The following CD244 variants were observed in gnomAD, a reference collection of about 807,000 sequenced individuals.
CD244 encodes the protein CD244 molecule, also known as natural killer cell receptor 2B4.
A neutral mutation model predicts 45.5 loss-of-function variants in CD244; 20 were observed. The observed-to-expected ratio is 0.44, with a 90% CI of 0.31 to 0.64. CD244 has a LOEUF of 0.64. Among genes scored for constraint, CD244 ranks in the 30% least tolerant of loss-of-function variants. CD244 has a pLI of 0.08. For missense variants in CD244, 407 were observed against 426.9 expected (o/e 0.95, Z 0.41); for synonymous variants, 185 against 160.5 (o/e 1.15, Z -1.15).
intron 4 of CD244, 196 bp from the exon 5 acceptor site, chr1:160,838,714 A>C (rs1455253314): frequency 3.2e-6 from 2 of 618,108 alleles, no homozygotes; most frequent in East Asian, 5.5e-5. Flanking sequence ...CCTCCTCCCA[A>C]ACCAGCTGTC....
intron 4 of CD244, 124 bp from the exon 5 acceptor site, chr1:160,838,642 T>A: frequency 1.3e-6 from 1 of 741,462 alleles, no homozygotes; most frequent in South Asian, 1.5e-5. Flanking sequence ...AGGAGGCAAG[T>A]TAATGCTCTT....
chr1:160,862,740 G>T lies in CD244; in HGVS notation c.-63C>A. On this transcript the variant is annotated 5_prime_UTR_variant, in exon 1 of 9. Coordinates refer to ENST00000368034, the MANE Select transcript of CD244 (RefSeq NM_016382.4). ...CCACCAGACTCTCTGCCGTGCACGG[G>T]CTCAGCAGTCCCCAGTCAGCAAGAG... The T allele has an allele frequency of 6.8e-7, 1 of 1,475,164 alleles. No homozygotes were observed. Among genetic ancestry groups the T allele is most frequent in the Non-Finnish European group, 9.4e-7 (1 of 1,061,660 alleles). The allele number at this position is 1,475,164 out of a possible 1,614,324, so 91.4% of individuals were successfully genotyped here.
At position 160,841,262 on chromosome 1, in the gene CD244, G is replaced by C; in HGVS notation, c.603C>G (p.Ser201Arg). 6.2e-7 allele frequency: 1 copy of C among 1,614,236 alleles called. No homozygotes were observed. Among genetic ancestry groups the C allele is most frequent in the Non-Finnish European group, 8.5e-7 (1 of 1,180,036 alleles). Residue 201 changes from serine to arginine, a missense_variant, in exon 3 of 9, where the codon AGC (serine) becomes AGG (arginine). By Grantham distance (110) the Ser-to-Arg change is moderately radical. Coordinates refer to ENST00000368034, the MANE Select transcript of CD244 (RefSeq NM_016382.4). ...TGAGATTCAGGGTGTGGCTTTCCCA[G>C]CTAACAGGATTGCTGACATTGCAGG... is the stretch of plus-strand genomic sequence containing the variant. ...TYTCNVSNPV[S>R]WESHTLNLTQ...
intron 1 of CD244, among the ~76,000 whole-genome samples, chr1:160,860,968 G>A (rs1010175993): frequency 3.3e-5 from 5 of 152,168 alleles, no homozygotes; most frequent in African/African-American, 9.7e-5. Flanking sequence ...TGCAAGGGCC[G>A]GCATAGCCAA....
At chr1:160,831,995 C>A (rs1669142270) in intron 8 of CD244, among the ~76,000 whole-genome samples, 1 of 152,192 alleles carries the variant, frequency 6.6e-6, no homozygotes, top group Non-Finnish European at 1.5e-5. Context: ...CATAATAAAC[C>A]CCCAAGAAAT....
chr1:160,854,292 G>A (rs1312803561), intron 1 of CD244, among the ~76,000 whole-genome samples: 1 of 152,200 alleles, frequency 6.6e-6, no homozygotes, highest in Non-Finnish European at 1.5e-5. Context: ...TCAGAATGTA[G>A]AGCGCTATGT....
chr1:160,844,208 C>T (rs1669646193), intron 1 of CD244, among the ~76,000 whole-genome samples: 1 of 152,044 alleles, frequency 6.6e-6, no homozygotes, highest in South Asian at 2.1e-4. Context: ...ACACAATATC[C>T]AAAGTGAAGT....
intron 3 of CD244, 149 bp from the exon 4 acceptor site, chr1:160,839,198 T>C (rs1281443832): frequency 1.5e-5 from 9 of 602,478 alleles, no homozygotes; most frequent in Non-Finnish European, 2.9e-6. Context: ...GTCAAGGTTT[T>C]CTCTTTGCTC....
chr1:160,853,764 A>T lies in CD244; in HGVS notation c.61+8853T>A, dbSNP rs1412763530. ...GCACCACTGCACCCCAGCCTGGGTGACAGAGCAAGACCCTGCCTAAAAAAA... is the reference window on the plus strand; with the variant it reads ...GCACCACTGCACCCCAGCCTGGGTGTCAGAGCAAGACCCTGCCTAAAAAAA... On this transcript the variant is annotated intron_variant, in intron 1 of 8. Coordinates refer to ENST00000368034, the MANE Select transcript of CD244 (RefSeq NM_016382.4). Among the ~76,000 whole-genome samples, 6 of 139,556 alleles carry T rather than the reference A, an allele frequency of 4.3e-5. No homozygotes were observed. The East Asian group carries it at 1.3e-3, about 29-fold the overall frequency. The allele number at this position is 139,556 out of a possible 152,430, so 91.6% of individuals were successfully genotyped here.
chr1:160,859,576 C>A (rs1436709940), intron 1 of CD244, among the ~76,000 whole-genome samples: 1 of 151,690 alleles, frequency 6.6e-6, no homozygotes, highest in Non-Finnish European at 1.5e-5. Context: ...TCAATGGGCA[C>A]AGAAAAAAAT....
At chr1:160,832,701 A>G (rs767080577) in intron 7 of CD244, 126 bp from the exon 8 acceptor site, 6 of 1,536,166 alleles carry the variant, frequency 3.9e-6, no homozygotes, top group East Asian at 2.5e-5. Context: ...CAGCCAGAAA[A>G]TGAATAGAAT....
At chr1:160,855,636 C>A (rs1670077759) in intron 1 of CD244, among the ~76,000 whole-genome samples, 1 of 152,170 alleles carries the variant, frequency 6.6e-6, no homozygotes, top group African/African-American at 2.4e-5. Context: ...TAGAGGAGGA[C>A]CCAACAAGTG....
intron 7 of CD244, chr1:160,832,799 G>A (rs1242395076): frequency 1.1e-6 from 1 of 893,062 alleles, no homozygotes; most frequent in African/African-American, 1.7e-5. Flanking sequence ...TGATATTTCT[G>A]AACCAAAATC....
intron 7 of CD244, among the ~76,000 whole-genome samples, chr1:160,832,870 G>GTATATATATATA (rs1553194340): frequency 4.2e-4 from 50 of 117,910 alleles, no homozygotes; most frequent in Middle Eastern, 4.6e-3. Flanking sequence ...GTGTGTGTGT[G>GTATATATATATA]TATATATATA....
intron 1 of CD244, among the ~76,000 whole-genome samples, chr1:160,854,369 T>C (rs1311830595): frequency 6.6e-6 from 1 of 152,076 alleles, no homozygotes; most frequent in East Asian, 1.9e-4. Flanking sequence ...GTTAAGTTAT[T>C]GTCTAGACTT....
At chr1:160,853,651 T>C (rs1284376126) in intron 1 of CD244, among the ~76,000 whole-genome samples, 4 of 152,042 alleles carry the variant, frequency 2.6e-5, no homozygotes, top group Admixed American at 1.3e-4. Context: ...AGTGAATTTG[T>C]AGATTTCCTC....
chr1:160,849,322 G>A (rs960166290), intron 1 of CD244, among the ~76,000 whole-genome samples: 10 of 144,950 alleles, frequency 6.9e-5, no homozygotes, highest in African/African-American at 2.6e-4. Flanking sequence ...TCTGGGATAC[G>A]TATGCAGAAC....
chr1:160,836,053 T>A, intron 6 of CD244, 142 bp downstream of exon 6: 1 of 675,924 alleles, frequency 1.5e-6, no homozygotes, highest in East Asian at 2.7e-5. Flanking sequence ...AAATAATGTG[T>A]TAATGCAACT....
chr1:160,861,928 G>A (rs1333021040), intron 1 of CD244, among the ~76,000 whole-genome samples: 1 of 152,150 alleles, frequency 6.6e-6, no homozygotes, highest in African/African-American at 2.4e-5. Flanking sequence ...GAGCATCCTG[G>A]ACCCCAGAAC....
Sources: gnomAD v4.1 joint callset for allele counts (sites outside exome capture counted in the v4.1 genomes callset) on GRCh38, gnomAD v4.1.1 for gene constraint, MANE v1.5 for transcripts, NCBI Gene and HGNC (gene_info 2026-07-23, HGNC 2026-07-21) for gene names.